The following PZP variants were observed in gnomAD, a reference collection of about 807,000 sequenced individuals.
PZP encodes pregnancy zone protein.
A neutral mutation model predicts 179.8 loss-of-function variants in PZP; 150 were observed. The ratio of observed to expected loss-of-function variants is 0.83; its 90% CI spans 0.73 to 0.96. The LOEUF (loss-of-function observed/expected upper bound fraction) is 0.96, where lower values mean the gene tolerates loss of function less well. Among genes scored for constraint, PZP ranks in the 40% least tolerant of loss-of-function variants. The pLI is 0.00. For missense variants in PZP, 1,689 were observed against 1,764.0 expected (o/e 0.96, Z 0.76); for synonymous variants, 624 against 652.3 (o/e 0.96, Z 0.66).
intron 11 of PZP, 96 bp downstream of exon 11, chr12:9,193,980 AT>A: frequency 8.4e-7 from 1 of 1,189,570 alleles, no homozygotes; most frequent in Non-Finnish European, 1.2e-6. Flanking sequence ...ATATCTTCTT[AT>A]TTCTTACTCT....
intron 14 of PZP, among the ~76,000 whole-genome samples, chr12:9,181,583 G>C (rs1225193724): frequency 5.3e-5 from 8 of 152,272 alleles, no homozygotes; most frequent in Admixed American, 4.6e-4. Flanking sequence ...GTCCTAAGGA[G>C]ATAACTGAGG....
At chr12:9,157,054 T>C (rs1012357526) in intron 28 of PZP, 121 bp downstream of exon 28, 1 of 868,660 alleles carries the variant, frequency 1.2e-6, no homozygotes, top group African/African-American at 1.7e-5. Context: ...CCCCCATGCA[T>C]TAGCTATCTA....
At position 9,164,278 on chromosome 12, in the gene PZP, C is replaced by T; in HGVS notation, c.2488-19G>A. ...CACTGACCTATCACCCCATGTGAGGCAGAGACAGAAATGATCAGAATATGG... is the reference window on the plus strand; with the variant it reads ...CACTGACCTATCACCCCATGTGAGGTAGAGACAGAAATGATCAGAATATGG... On this transcript the variant is annotated intron_variant, in intron 19 of 35. Coordinates refer to ENST00000261336, the MANE Select transcript of PZP (RefSeq NM_002864.3). The T allele has an allele frequency of 6.2e-7, 1 of 1,610,084 alleles. No homozygotes were observed. The highest frequency in any genetic ancestry group is 8.5e-7 in the Non-Finnish European group (1 of 1,177,348).
In PZP at chr12:9,194,697, C is replaced by G. The variant is rs770811719; in HGVS notation, c.1093-459G>C. On this transcript the variant is annotated intron_variant, in intron 10 of 35. Coordinates refer to ENST00000261336, the MANE Select transcript of PZP (RefSeq NM_002864.3). The stretch of plus-strand genomic sequence containing the variant: ...GCCAGGATGGTCTCGATCGCCTGAC[C>G]TCGTGATCTGCCCGCCTCGGCCTCC... 4.6e-5 allele frequency among the ~76,000 whole-genome samples: 7 copies of G among 152,190 alleles called. No individual in the cohort carries two copies. In the East Asian group the frequency reaches 1.4e-3, roughly 29 times the overall value.
chr12:9,168,800 A>G (rs1941772386), intron 17 of PZP, 69 bp downstream of exon 17: 1 of 1,202,624 alleles, frequency 8.3e-7, no homozygotes, highest in Non-Finnish European at 1.2e-6. Flanking sequence ...ACATTACCTC[A>G]TTTTAGCATT....
In PZP at chr12:9,153,020, G is replaced by T; in HGVS notation, c.3994-69C>A. 6.2e-6 allele frequency: 10 copies of T among 1,605,160 alleles called. No individual in the cohort carries two copies. The South Asian group carries it at 1.1e-4, about 18-fold the overall frequency. ...ACCCCTCACTTCCTCATTACTTAAC[G>T]TCTCCAGAGGTGCCTTTTACTTTCC... On this transcript the variant is annotated intron_variant, in intron 30 of 35. Transcript: ENST00000261336.
At chr12:9,176,327 A>G (rs952540206) in intron 15 of PZP, among the ~76,000 whole-genome samples, 1 of 152,168 alleles carries the variant, frequency 6.6e-6, no homozygotes, top group Non-Finnish European at 1.5e-5. Flanking sequence ...GAGAGCATCA[A>G]GAAGAATAAC....
chr12:9,153,668 T>A (rs1252393514), intron 29 of PZP, among the ~76,000 whole-genome samples: 1 of 152,234 alleles, frequency 6.6e-6, no homozygotes, highest in Non-Finnish European at 1.5e-5. Flanking sequence ...AGTAGATGAT[T>A]GACCAGTTAG....
intron 15 of PZP, among the ~76,000 whole-genome samples, chr12:9,176,192 C>A (rs1942352356): frequency 1.3e-5 from 2 of 152,186 alleles, no homozygotes; most frequent in Non-Finnish European, 2.9e-5. Flanking sequence ...TTATCCTCAG[C>A]AAGCTAACAC....
chr12:9,202,406 G>A, intron 3 of PZP, 35 bp from the exon 4 acceptor site: 1 of 1,613,996 alleles, frequency 6.2e-7, no homozygotes, highest in African/African-American at 1.3e-5. Context: ...ATTCAGACAT[G>A]ATAAAGCAGG....
At chr12:9,164,056 G>C (rs1333958010) in intron 20 of PZP, 77 bp downstream of exon 20, 2 of 1,479,916 alleles carry the variant, frequency 1.4e-6, no homozygotes, top group Non-Finnish European at 1.8e-6. Flanking sequence ...AAATAAAAGA[G>C]AGAATATGAT....
At chr12:9,185,814 CTTTT>C (rs1555173441) in intron 13 of PZP, among the ~76,000 whole-genome samples, 1 of 147,234 alleles carries the variant, frequency 6.8e-6, no homozygotes, top group Non-Finnish European at 1.5e-5. Flanking sequence ...CTTTTCTTTT[CTTTT>C]TTTTTTTCTT....
At chr12:9,182,927 C>T (rs1942865012) in intron 13 of PZP, among the ~76,000 whole-genome samples, 1 of 152,204 alleles carries the variant, frequency 6.6e-6, no homozygotes, top group Non-Finnish European at 1.5e-5. Flanking sequence ...CTACATCCCT[C>T]CTGTCCCAGA....
At position 9,165,140 on chromosome 12, in the gene PZP, C is replaced by T. The variant is rs1387460483; in HGVS notation, c.2486G>A (p.Arg829Gln). The stretch of plus-strand genomic sequence containing the variant: ...CCTGTTCACCCTCATTTTCCTTACC[C>T]GGATGCATTTGGGAAGGTAGTTTAG... ...TVLNYLPKCI[R>Q]VSVQLKASPA... The change falls in exon 19 of 36, where the codon CGG (arginine) becomes CAG (glutamine). Residue 829 changes from arginine to glutamine, a missense_variant and splice_region_variant. By Grantham distance (43) the Arg-to-Gln change is conservative. This residue lies in a region of PZP where 201 missense variants were observed against 284.2 expected (regional missense o/e 0.71). Coordinates refer to ENST00000261336, the MANE Select transcript of PZP (RefSeq NM_002864.3). 12 of 1,613,240 alleles carry T rather than the reference C, an allele frequency of 7.4e-6. No homozygotes were observed. Among genetic ancestry groups the T allele is most frequent in the South Asian group, 1.1e-5 (1 of 91,066 alleles).
chr12:9,192,457 G>C (rs1381308193), intron 12 of PZP, 55 bp downstream of exon 12: 4 of 1,506,658 alleles, frequency 2.7e-6, no homozygotes, highest in Non-Finnish European at 3.7e-6. Flanking sequence ...TGAGCCTATT[G>C]ACCACTTTTG....
intron 17 of PZP, chr12:9,168,545 G>T: frequency 4.5e-6 from 1 of 223,202 alleles, no homozygotes; most frequent in Non-Finnish European, 8.7e-6. Context: ...TTAAAATACA[G>T]CATCCCTATG....
chr12:9,202,335 C>A lies in PZP; in HGVS notation c.464G>T (p.Arg155Leu), dbSNP rs369009345. 1.9e-6 allele frequency: 3 copies of A among 1,613,948 alleles called. No individual in the cohort carries two copies. The South Asian group carries it at 3.3e-5, about 18-fold the overall frequency. ...FRVVSVDENF[R>L]PRNELIPLIY... The stretch of plus-strand genomic sequence containing the variant: ...GATGCTTACCAGTTCATTTCGAGGG[C>A]GAAAATTTTCATCCACGGAGACAAC... Residue 155 changes from arginine to leucine, a missense_variant, in exon 4 of 36, where the codon CGC (arginine) becomes CTC (leucine). By Grantham distance (102) the Arg-to-Leu change is moderately radical. Transcript: ENST00000261336.
chr12:9,186,383 G>T (rs117810875), intron 13 of PZP, among the ~76,000 whole-genome samples: 2,148 of 152,298 alleles, frequency 0.014, 74 homozygotes, highest in Admixed American at 0.081. Flanking sequence ...CATGATGGCA[G>T]ATTCAAATTC....
Position 9,176,149 on chromosome 12 carries a change from C to T in PZP, c.1839+4834G>A, listed in dbSNP as rs61916057. ...AGCCATAAAAAGGATGAGTTCATGT[C>T]CTTTGCAGAGACATGGATAGAGCTG... On this transcript the variant is annotated intron_variant, in intron 15 of 35. Transcript: ENST00000261336. Among the ~76,000 whole-genome samples the T allele has an allele frequency of 2.0e-3, 298 of 152,264 alleles. 2 individuals carry two copies. Among genetic ancestry groups the T allele is most frequent in the Non-Finnish European group, 3.4e-3 (232 of 68,022 alleles).
Sources: gnomAD v4.1 joint callset for allele counts (sites outside exome capture counted in the v4.1 genomes callset) on GRCh38, gnomAD v4.1.1 for gene constraint, gnomAD v4.1.1 regional missense constraint, MANE v1.5 for transcripts, NCBI Gene and HGNC (gene_info 2026-07-23, HGNC 2026-07-21) for gene names.